The following TSHR variants were observed in gnomAD, a reference collection of about 807,000 sequenced individuals.
TSHR encodes the protein thyrotropin receptor.
TSHR carries 51 observed loss-of-function variants against 64.1 expected under a neutral mutation model. The observed-to-expected ratio is 0.80, with a 90% CI of 0.64 to 1.01. The LOEUF is 1.01. TSHR is among the 50% of genes least tolerant of loss of function. TSHR has a pLI of 0.00. For missense variants in TSHR, 877 were observed against 942.8 expected (o/e 0.93, Z 0.91); for synonymous variants, 361 against 361.9 (o/e 1.00, Z 0.03).
chr14:80,985,348 C>T (rs1307951576), intron 1 of TSHR, among the ~76,000 whole-genome samples: 1 of 152,220 alleles, frequency 6.6e-6, no homozygotes, highest in Non-Finnish European at 1.5e-5. Context: ...TCCTATGTGT[C>T]CTATGAAAGG....
Position 81,144,439 on chromosome 14 carries a change from A to C in TSHR, c.*86A>C. The C allele has an allele frequency of 1.5e-6, 2 of 1,330,000 alleles. No homozygotes were observed. Among genetic ancestry groups the C allele is most frequent in the Non-Finnish European group, 2.1e-6 (2 of 936,644 alleles). 82.4% of individuals were successfully genotyped at this position (1,330,000 alleles called of 1,614,324 possible). A position where few individuals can be genotyped will look rare whatever the true frequency, so the allele number is the denominator to read the frequency against. ...GCATTCCAATCCCATGACACCCCCA[A>C]CACATAGCTGCCCTCACTCTTGTGC... On this transcript the variant is annotated 3_prime_UTR_variant, in exon 10 of 10. Coordinates refer to ENST00000298171, the MANE Select transcript of TSHR (RefSeq NM_000369.5).
At chr14:81,114,163 T>TG (rs1030079972) in intron 8 of TSHR, among the ~76,000 whole-genome samples, 184 of 145,660 alleles carry the variant, frequency 1.3e-3, no homozygotes, top group Non-Finnish European at 2.5e-3. Flanking sequence ...AAAGTATCAC[T>TG]GGGGGGGAGG....
At chr14:81,093,973 C>A (rs1888962775) in intron 6 of TSHR, among the ~76,000 whole-genome samples, 1 of 152,014 alleles carries the variant, frequency 6.6e-6, no homozygotes, top group Admixed American at 6.6e-5. Flanking sequence ...ATCTCAAGCA[C>A]CCCCCTCAAG....
At chr14:81,014,037 A>C (rs985756748) in intron 1 of TSHR, 1 of 152,230 alleles carries the variant, frequency 6.6e-6, no homozygotes, top group Non-Finnish European at 1.5e-5. Context: ...AAAATTCATC[A>C]TAATTTGAGA....
intron 7 of TSHR, chr14:81,104,734 TTGGTCTTCCC>T (rs200218720): frequency 0.021 from 20,294 of 985,392 alleles, 222 homozygotes; most frequent in Non-Finnish European, 0.023. Context: ...CCTGACTGCA[TTGGTCTTCCC>T]TAACTGTGAA....
At chr14:81,043,029 A>C (rs1188408269) in intron 1 of TSHR, among the ~76,000 whole-genome samples, 3 of 152,206 alleles carry the variant, frequency 2.0e-5, no homozygotes, top group African/African-American at 7.2e-5. Flanking sequence ...GAAAACTGGC[A>C]CAAGACAAGG....
chr14:81,018,369 G>A (rs1251525491), intron 1 of TSHR, among the ~76,000 whole-genome samples: 1 of 152,208 alleles, frequency 6.6e-6, no homozygotes, highest in Non-Finnish European at 1.5e-5. Flanking sequence ...AAATCAGTCA[G>A]TTATCCAGTA....
At chr14:81,107,241 A>G (rs1260156418) in intron 7 of TSHR, 1 of 152,168 alleles carries the variant, frequency 6.6e-6, no homozygotes, top group Non-Finnish European at 1.5e-5. Flanking sequence ...ACCCTTAAAA[A>G]TGTTCCACCA....
At chr14:80,984,066 A>AGTGT (rs144663890) in intron 1 of TSHR, among the ~76,000 whole-genome samples, 8,544 of 151,220 alleles carry the variant, frequency 0.057, 763 homozygotes, top group African/African-American at 0.2. Context: ...AGAGAGAGTG[A>AGTGT]GTGTGTGTGT....
In TSHR at chr14:81,113,998, T is replaced by G. The variant is rs187930022; in HGVS notation, c.692+5546T>G. ...GTACTGTTCTGAAAACAGGATTATA[T>G]GAAAATTTACATTCTAAAATGTAAG... On this transcript the variant is annotated intron_variant, in intron 8 of 9. Transcript: ENST00000298171. 4.0e-4 allele frequency among the ~76,000 whole-genome samples: 61 copies of G among 152,170 alleles called. No individual in the cohort carries two copies. The East Asian group carries it at 0.012, about 29-fold the overall frequency.
intron 1 of TSHR, among the ~76,000 whole-genome samples, chr14:80,976,084 T>C (rs970864979): frequency 1.3e-5 from 2 of 152,136 alleles, no homozygotes; most frequent in Non-Finnish European, 2.9e-5. Context: ...GCTAATTTTT[T>C]GTATTTTTAC....
intron 1 of TSHR, chr14:80,995,667 G>A (rs1594931342): frequency 1.3e-5 from 2 of 151,900 alleles, no homozygotes; most frequent in Admixed American, 1.3e-4. Context: ...TACACATTGG[G>A]GCATTTTAGA....
intron 1 of TSHR, among the ~76,000 whole-genome samples, chr14:81,044,906 C>T (rs1885103012): frequency 6.6e-6 from 1 of 152,056 alleles, no homozygotes; most frequent in African/African-American, 2.4e-5. Flanking sequence ...TTAGCATATA[C>T]CCAAAGTAGT....
At chr14:81,073,233 A>T (rs894750701) in intron 3 of TSHR, among the ~76,000 whole-genome samples, 24 of 151,450 alleles carry the variant, frequency 1.6e-4, no homozygotes, top group African/African-American at 5.1e-4. Context: ...GGTAGAACTA[A>T]AAAGATAAAC....
intron 2 of TSHR, among the ~76,000 whole-genome samples, chr14:81,062,889 G>T (rs973596521): frequency 6.6e-6 from 1 of 152,108 alleles, no homozygotes; most frequent in Admixed American, 6.6e-5. Context: ...TTGGCCAAAT[G>T]TACTCACTCC....
chr14:81,062,236 T>A lies in TSHR; in HGVS notation c.242+17T>A. The A allele has an allele frequency of 6.3e-7, 1 of 1,589,164 alleles. No individual in the cohort carries two copies. The highest frequency in any genetic ancestry group is 1.1e-5 in the South Asian group (1 of 89,978). On this transcript the variant is annotated intron_variant, in intron 2 of 9. Coordinates refer to ENST00000298171, the MANE Select transcript of TSHR (RefSeq NM_000369.5). ...TTCCAGAATGTAAGTTTTTTTAATA[T>A]AAAGAAAAGTTTGCATTTGTGATAT...
At chr14:81,045,284 C>T (rs1009293719) in intron 1 of TSHR, among the ~76,000 whole-genome samples, 2 of 152,172 alleles carry the variant, frequency 1.3e-5, no homozygotes, top group Admixed American at 1.3e-4. Flanking sequence ...GAATTGCCAC[C>T]TCTTCAATTT....
intron 1 of TSHR, among the ~76,000 whole-genome samples, chr14:81,011,392 T>G (rs1889897837): frequency 6.6e-6 from 1 of 152,136 alleles, no homozygotes; most frequent in African/African-American, 2.4e-5. Context: ...ATTTCTATTT[T>G]GGTCATTTAT....
chr14:80,997,947 A>G (rs937133935), intron 1 of TSHR, among the ~76,000 whole-genome samples: 12 of 152,180 alleles, frequency 7.9e-5, no homozygotes, highest in Non-Finnish European at 1.5e-4. Context: ...CTGTCTCATG[A>G]GATGGTATTT....
Sources: allele counts gnomAD v4.1 joint callset (sites outside exome capture counted in the v4.1 genomes callset), GRCh38; gene constraint gnomAD v4.1.1; transcripts MANE v1.5; gene names NCBI Gene and HGNC (gene_info 2026-07-23, HGNC 2026-07-21).